Variants in MLLT10 observed in about 807,000 individuals in gnomAD.
MLLT10 encodes the protein protein AF-10.
Under a neutral mutation model 129.1 loss-of-function variants are expected in MLLT10, and 30 were observed. The observed-to-expected ratio is 0.23, with a 90% CI of 0.17 to 0.32. The LOEUF (loss-of-function observed/expected upper bound fraction) is 0.32, where lower values mean the gene tolerates loss of function less well. Among genes scored for constraint, MLLT10 ranks in the 10% least tolerant of loss-of-function variants. The probability of loss-of-function intolerance (pLI) is 1.00; values close to 1 mark genes in which losing one functional copy is unlikely to be tolerated. For synonymous variants in MLLT10, 490 were observed against 446.4 expected, an observed-to-expected ratio of 1.10 and a Z score of -1.23; for missense variants, 1,119 against 1,268.3, an observed-to-expected ratio of 0.88 and a Z score of 1.79.
chr10:21,635,833 T>G (rs1011144238), intron 8 of MLLT10, among the ~76,000 whole-genome samples: 2 of 151,184 alleles, frequency 1.3e-5, no homozygotes, highest in African/African-American at 4.9e-5. Flanking sequence ...TTCAAGAGAT[T>G]CACCAGCCTC....
intron 5 of MLLT10, among the ~76,000 whole-genome samples, chr10:21,597,058 T>G (rs1011459895): frequency 2.2e-4 from 33 of 152,272 alleles, no homozygotes; most frequent in African/African-American, 7.9e-4. Context: ...TTTAAAAACC[T>G]TGTTTTTCTT....
chr10:21,574,146 T>C (rs2040494106), intron 3 of MLLT10, among the ~76,000 whole-genome samples: 1 of 152,238 alleles, frequency 6.6e-6, no homozygotes, highest in Non-Finnish European at 1.5e-5. Context: ...ATTTTGATAA[T>C]GAATTCAACT....
At position 21,682,247 on chromosome 10, in the gene MLLT10, A is replaced by C. The variant is rs749689239; in HGVS notation, c.1689A>C (p.Ala563=). 3 of 1,611,454 alleles carry C rather than the reference A, an allele frequency of 1.9e-6. No individual in the cohort carries two copies. Among genetic ancestry groups the C allele is most frequent in the Non-Finnish European group, 2.5e-6 (3 of 1,179,088 alleles). Residue 563 remains alanine (A), a synonymous_variant, in exon 13 of 23, where the codon GCA becomes GCC. Transcript: ENST00000307729. ...PTTTFSELLN[A]IHNGIYNSND... ...AAGCGTTCTCAGAGTTGCTGAATGCAATACACAACGGTAAGTTTTATTAGA... is the reference window on the plus strand; with the variant it reads ...AAGCGTTCTCAGAGTTGCTGAATGCCATACACAACGGTAAGTTTTATTAGA...
intron 15 of MLLT10, 83 bp from the exon 16 acceptor site, chr10:21,727,773 T>C: frequency 6.7e-6 from 7 of 1,048,420 alleles, no homozygotes; most frequent in Non-Finnish European, 1.0e-5. Flanking sequence ...TTAATGTATG[T>C]TTTAGGAAAA....
chr10:21,739,970 A>G, intron 21 of MLLT10, 60 bp from the exon 22 acceptor site: 3 of 1,358,268 alleles, frequency 2.2e-6, no homozygotes, highest in Middle Eastern at 1.8e-4. Context: ...AAGGCAGCTC[A>G]TCTGACTGCT....
chr10:21,647,411 T>C (rs945229010), intron 8 of MLLT10, among the ~76,000 whole-genome samples: 8 of 152,144 alleles, frequency 5.3e-5, no homozygotes, highest in Non-Finnish European at 1.0e-4. Flanking sequence ...GTCCCAGATA[T>C]TTGGGAGGCT....
intron 13 of MLLT10, among the ~76,000 whole-genome samples, chr10:21,704,349 CTCTCTCTCTATATATATA>C (rs1224501179): frequency 9.7e-5 from 6 of 61,838 alleles, no homozygotes; most frequent in East Asian, 2.2e-3. Context: ...CTCTCTCTCT[CTCTCTCTCTATATATATA>C]TATATATATA....
intron 3 of MLLT10, among the ~76,000 whole-genome samples, chr10:21,583,513 A>G (rs143371395): frequency 7.9e-5 from 12 of 152,294 alleles, no homozygotes; most frequent in African/African-American, 2.9e-4. Context: ...AACTGGGTAG[A>G]TTATTAATAT....
chr10:21,692,980 T>C (rs553710851), intron 13 of MLLT10, among the ~76,000 whole-genome samples: 2 of 152,236 alleles, frequency 1.3e-5, no homozygotes, highest in African/African-American at 4.8e-5. Context: ...TTTCCCCCAC[T>C]AAATCTTTCT....
rs66469025 is a variant in MLLT10 at position 21,619,029 on chromosome 10, T to TACACACACACAC, written c.699+1851_699+1862dup. ...GCGTGAGCCACCGTGCCTGGTGACA[T>TACACACACACAC]ACACACACACACACACACACACACA... is the stretch of plus-strand genomic sequence containing the variant. On this transcript the variant is annotated intron_variant, in intron 8 of 22. Transcript: ENST00000307729. Among the ~76,000 whole-genome samples, 508 of 143,874 alleles carry TACACACACACAC rather than the reference T, an allele frequency of 3.5e-3. 1 individual carries two copies. The highest frequency in any genetic ancestry group is 5.7e-3 in the East Asian group (27 of 4,760). The allele number at this position is 143,874 out of a possible 152,430, so 94.4% of individuals were successfully genotyped here.
At chr10:21,540,245 A>G (rs1015843258) in intron 3 of MLLT10, among the ~76,000 whole-genome samples, 4 of 151,878 alleles carry the variant, frequency 2.6e-5, no homozygotes, top group Non-Finnish European at 4.4e-5. Context: ...CAAAAAATTA[A>G]CTGGATGTGG....
chr10:21,585,607 A>G (rs1359192217), intron 3 of MLLT10, among the ~76,000 whole-genome samples: 1 of 152,214 alleles, frequency 6.6e-6, no homozygotes, highest in Non-Finnish European at 1.5e-5. Context: ...GCTGACCATA[A>G]GACAGGAAGT....
intron 13 of MLLT10, among the ~76,000 whole-genome samples, chr10:21,686,210 A>G (rs891728250): frequency 2.6e-5 from 4 of 152,184 alleles, no homozygotes; most frequent in African/African-American, 9.7e-5. Flanking sequence ...ACCAAACATG[A>G]AATACAAGGC....
chr10:21,627,655 T>C (rs1190160226), intron 8 of MLLT10, among the ~76,000 whole-genome samples: 2 of 152,240 alleles, frequency 1.3e-5, no homozygotes, highest in Non-Finnish European at 2.9e-5. Flanking sequence ...TACTCTTTTT[T>C]AAATCTTCAT....
chr10:21,711,388 C>T (rs2056074562), intron 13 of MLLT10, among the ~76,000 whole-genome samples: 1 of 151,784 alleles, frequency 6.6e-6, no homozygotes, highest in African/African-American at 2.4e-5. Flanking sequence ...CACCACTGCA[C>T]TCCAGCCTGG....
chr10:21,602,953 A>C (rs1388198834), intron 5 of MLLT10, among the ~76,000 whole-genome samples: 2 of 151,192 alleles, frequency 1.3e-5, no homozygotes, highest in Non-Finnish European at 3.0e-5. Flanking sequence ...AGGATGGTCT[A>C]GATCTCCTGA....
intron 13 of MLLT10, among the ~76,000 whole-genome samples, chr10:21,683,504 A>C (rs1383045847): frequency 6.6e-6 from 1 of 152,220 alleles, no homozygotes; most frequent in Non-Finnish European, 1.5e-5. Context: ...TTTAATCCTG[A>C]ACATCTTTAG....
At chr10:21,740,522 T>C (rs1360356924) in intron 22 of MLLT10, among the ~76,000 whole-genome samples, 1 of 152,238 alleles carries the variant, frequency 6.6e-6, no homozygotes, top group Non-Finnish European at 1.5e-5. Flanking sequence ...AGACAATAGT[T>C]GGTGCTTTCT....
chr10:21,729,022 A>C (rs1457713521), intron 16 of MLLT10, among the ~76,000 whole-genome samples: 1 of 151,804 alleles, frequency 6.6e-6, no homozygotes, highest in Non-Finnish European at 1.5e-5. Context: ...CTAATGGTAC[A>C]TCTAGTGATG....
Sources: allele counts gnomAD v4.1 joint callset (sites outside exome capture counted in the v4.1 genomes callset), GRCh38; gene constraint gnomAD v4.1.1; transcripts MANE v1.5; gene names NCBI Gene and HGNC (gene_info 2026-07-23, HGNC 2026-07-21).